GKAP1: variants seen among roughly 807,000 people sequenced by gnomAD.
GKAP1 encodes G kinase anchoring protein 1.
A neutral mutation model predicts 56.7 loss-of-function variants in GKAP1; 31 were observed. The observed-to-expected ratio is 0.55, with a 90% CI of 0.41 to 0.74. The LOEUF is 0.74. GKAP1 is among the 30% of genes least tolerant of loss of function. The pLI is 0.00. For missense variants in GKAP1, 364 were observed against 402.3 expected, an observed-to-expected ratio of 0.90 and a Z score of 0.82; for synonymous variants, 151 against 138.6, an observed-to-expected ratio of 1.09 and a Z score of -0.63.
chr9:83,760,493 T>A (rs1185663528), intron 8 of GKAP1, among the ~76,000 whole-genome samples: 3 of 152,158 alleles, frequency 2.0e-5, no homozygotes, highest in Non-Finnish European at 2.9e-5. Context: ...ACACTGGACT[T>A]AATCTGCACT....
At chr9:83,769,778 G>T (rs970770125) in intron 7 of GKAP1, among the ~76,000 whole-genome samples, 1 of 152,118 alleles carries the variant, frequency 6.6e-6, no homozygotes, top group African/African-American at 2.4e-5. Flanking sequence ...AACCTTTTGA[G>T]GTATCGCTAG....
intron 8 of GKAP1, among the ~76,000 whole-genome samples, chr9:83,758,352 A>C (rs1943510965): frequency 6.6e-6 from 1 of 152,180 alleles, no homozygotes. Flanking sequence ...TGGATTACAA[A>C]AGGGGTTAGA....
chr9:83,763,354 A>G (rs1241713678), intron 8 of GKAP1, among the ~76,000 whole-genome samples: 1 of 152,202 alleles, frequency 6.6e-6, no homozygotes, highest in Non-Finnish European at 1.5e-5. Flanking sequence ...GAAAGAATGA[A>G]TAAGACCTAG....
intron 7 of GKAP1, 91 bp from the exon 8 acceptor site, chr9:83,769,061 TA>T (rs1943713299): frequency 1.1e-6 from 1 of 891,436 alleles, no homozygotes; most frequent in Admixed American, 2.4e-5. Flanking sequence ...GATATGCATT[TA>T]GTACACCTAG....
chr9:83,746,817 C>A (rs910415577), intron 10 of GKAP1, among the ~76,000 whole-genome samples: 1 of 152,186 alleles, frequency 6.6e-6, no homozygotes, highest in African/African-American at 2.4e-5. Context: ...GGAGTAATGA[C>A]AAGAAAAAAG....
chr9:83,804,456 C>T (rs1199002658), intron 3 of GKAP1, among the ~76,000 whole-genome samples: 3 of 134,252 alleles, frequency 2.2e-5, no homozygotes, highest in Admixed American at 7.1e-5. Context: ...GGCGCCTCTG[C>T]CCGGCCACCC....
chr9:83,764,777 C>T, intron 8 of GKAP1, among the ~76,000 whole-genome samples: 1 of 152,144 alleles, frequency 6.6e-6, no homozygotes, highest in South Asian at 2.1e-4. Flanking sequence ...CTTTTTGCCC[C>T]TGCCCTAGAG....
intron 7 of GKAP1, among the ~76,000 whole-genome samples, chr9:83,774,017 G>A (rs896398858): frequency 4.2e-4 from 64 of 151,800 alleles, no homozygotes; most frequent in Non-Finnish European, 1.5e-4. Flanking sequence ...CTCTAGGCAC[G>A]TGCCATCACA....
At chr9:83,749,813 T>C (rs1943357043) in intron 9 of GKAP1, among the ~76,000 whole-genome samples, 1 of 152,114 alleles carries the variant, frequency 6.6e-6, no homozygotes, top group African/African-American at 2.4e-5. Flanking sequence ...CTGCAGTGAA[T>C]ACAATAAACT....
At chr9:83,779,500 C>CAT (rs1943924370) in intron 7 of GKAP1, among the ~76,000 whole-genome samples, 5 of 106,022 alleles carry the variant, frequency 4.7e-5, no homozygotes, top group Middle Eastern at 6.0e-3. Flanking sequence ...TACACATATA[C>CAT]ACATATATGT....
intron 3 of GKAP1, 133 bp downstream of exon 3, chr9:83,806,169 C>A: frequency 1.6e-6 from 1 of 623,544 alleles, no homozygotes; most frequent in Non-Finnish European, 2.8e-6. Flanking sequence ...AAATTCACAT[C>A]CATTCATTGA....
chr9:83,740,966 A>G (rs1587682687), intron 12 of GKAP1, among the ~76,000 whole-genome samples: 1 of 152,296 alleles, frequency 6.6e-6, no homozygotes, highest in East Asian at 1.9e-4. Context: ...TATTCAGAGA[A>G]AAACAGTATG....
At chr9:83,772,923 TA>T (rs1157347378) in intron 7 of GKAP1, among the ~76,000 whole-genome samples, 2 of 152,148 alleles carry the variant, frequency 1.3e-5, no homozygotes, top group Non-Finnish European at 2.9e-5. Flanking sequence ...AAACAAGAGA[TA>T]ATATCAAGCG....
intron 4 of GKAP1, among the ~76,000 whole-genome samples, chr9:83,794,522 G>T (rs1252689267): frequency 6.6e-6 from 1 of 152,124 alleles, no homozygotes; most frequent in East Asian, 1.9e-4. Flanking sequence ...TGAACTGAAG[G>T]ATGTCACGTA....
At chr9:83,788,822 C>T (rs1944108550) in intron 4 of GKAP1, 144 bp from the exon 5 acceptor site, 2 of 472,432 alleles carry the variant, frequency 4.2e-6, no homozygotes, top group Non-Finnish European at 7.5e-6. Flanking sequence ...CTAACCATGC[C>T]AAACTAGGAA....
chr9:83,815,085 T>C (rs914686626), intron 2 of GKAP1, among the ~76,000 whole-genome samples: 3 of 152,092 alleles, frequency 2.0e-5, no homozygotes, highest in African/African-American at 7.2e-5. Flanking sequence ...GGCAGGAGAA[T>C]CGCTTGAACC....
chr9:83,782,866 A>G (rs954203814), intron 6 of GKAP1, among the ~76,000 whole-genome samples: 4 of 151,824 alleles, frequency 2.6e-5, no homozygotes, highest in East Asian at 1.9e-4. Flanking sequence ...ACAGGGTTTC[A>G]CCATGTTGGC....
chr9:83,739,888 C>T (rs888880006), intron 12 of GKAP1, 144 bp from the exon 13 acceptor site: 4 of 602,204 alleles, frequency 6.6e-6, no homozygotes, highest in Non-Finnish European at 1.1e-5. Flanking sequence ...TTTGAGTCTA[C>T]ATACTGTTAC....
At chr9:83,760,224 A>G (rs1369650440) in intron 8 of GKAP1, among the ~76,000 whole-genome samples, 1 of 152,162 alleles carries the variant, frequency 6.6e-6, no homozygotes, top group Non-Finnish European at 1.5e-5. Flanking sequence ...TAGCTATATT[A>G]ATATCAGACA....
Sources: allele counts gnomAD v4.1 joint callset (sites outside exome capture counted in the v4.1 genomes callset), GRCh38; gene constraint gnomAD v4.1.1; transcripts MANE v1.5; gene names NCBI Gene and HGNC (gene_info 2026-07-23, HGNC 2026-07-21).